The following ABHD17B variants were observed in gnomAD, a reference collection of about 807,000 sequenced individuals.
The protein encoded by ABHD17B is abhydrolase domain containing 17B, depalmitoylase, also known as alpha/beta hydrolase domain-containing protein 17B.
In ABHD17B, 9 loss-of-function variants were observed where a neutral mutation model predicts 26.2. The ratio of observed to expected loss-of-function variants is 0.34; its 90% CI spans 0.21 to 0.60. ABHD17B has a LOEUF of 0.60. Ranked by LOEUF, ABHD17B falls within the 20% of genes least tolerant of loss-of-function variation. The pLI, the probability that ABHD17B is intolerant of heterozygous loss-of-function variation, is 0.80. For synonymous variants in ABHD17B, 127 were observed against 122.3 expected, an observed-to-expected ratio of 1.04 and a Z score of -0.25; for missense variants, 224 against 352.1, an observed-to-expected ratio of 0.64 and a Z score of 2.91.
intron 1 of ABHD17B, chr9:71,902,409 C>T (rs1166000754): frequency 6.8e-6 from 1 of 147,626 alleles, no homozygotes; most frequent in Admixed American, 6.8e-5. Context: ...TATCTCATTA[C>T]CCCCACCTTC....
Position 71,866,502 on chromosome 9 carries a change from C to T in ABHD17B, c.*285G>A. 9.0e-7 allele frequency: 1 copy of T among 1,111,648 alleles called. No individual in the cohort carries two copies. The highest frequency in any genetic ancestry group is 1.1e-6 in the Non-Finnish European group (1 of 909,260). 68.9% of individuals were successfully genotyped at this position (1,111,648 alleles called of 1,614,324 possible). A position where few individuals can be genotyped will look rare whatever the true frequency, so the allele number is the denominator to read the frequency against. On this transcript the variant is annotated 3_prime_UTR_variant, in exon 4 of 4. Transcript: ENST00000333421. Reference sequence around the variant, plus strand: ...AAAGCATTTGGCAATACTTTTACAGCATTTGATTTTATAGAATTAAAATCT... The same window carrying T: ...AAAGCATTTGGCAATACTTTTACAGTATTTGATTTTATAGAATTAAAATCT...
intron 1 of ABHD17B, among the ~76,000 whole-genome samples, chr9:71,903,861 T>G (rs552314301): frequency 3.4e-4 from 52 of 152,282 alleles, no homozygotes; most frequent in African/African-American, 1.3e-3. Flanking sequence ...GGGCGGGAAG[T>G]AGGCACTTTC....
intron 1 of ABHD17B, among the ~76,000 whole-genome samples, chr9:71,890,624 A>T (rs571007542): frequency 1.8e-4 from 28 of 152,334 alleles, no homozygotes; most frequent in African/African-American, 6.7e-4. Context: ...AAACTCAGAG[A>T]ATAAACAGCA....
downstream of ABHD17B, among the ~76,000 whole-genome samples, chr9:71,864,035 T>A (rs1337865239): frequency 6.6e-6 from 1 of 152,116 alleles, no homozygotes; most frequent in Non-Finnish European, 1.5e-5. Context: ...TCTACACAAC[T>A]GACTTACACG....
chr9:71,864,978 A>T (rs1231780361), downstream of ABHD17B, among the ~76,000 whole-genome samples: 1 of 152,200 alleles, frequency 6.6e-6, no homozygotes, highest in African/African-American at 2.4e-5. Flanking sequence ...ATGCTGTACA[A>T]AGAAGAAACT....
intron 3 of ABHD17B, 152 bp from the exon 4 acceptor site, chr9:71,867,158 A>C: frequency 1.0e-6 from 1 of 998,668 alleles, no homozygotes; most frequent in Admixed American, 2.7e-5. Flanking sequence ...GTAAGATTCA[A>C]AAATTGCCTT....
At chr9:71,872,856 C>G (rs1422253035) in intron 2 of ABHD17B, among the ~76,000 whole-genome samples, 1 of 152,030 alleles carries the variant, frequency 6.6e-6, no homozygotes, top group Admixed American at 6.5e-5. Flanking sequence ...TCTTTACCTA[C>G]TACTTGCCAT....
chr9:71,908,177 G>C (rs1041873319), intron 1 of ABHD17B, among the ~76,000 whole-genome samples: 3 of 152,104 alleles, frequency 2.0e-5, no homozygotes, highest in African/African-American at 7.2e-5. Flanking sequence ...GATCACCTGA[G>C]GTCAGGAGTT....
intron 1 of ABHD17B, among the ~76,000 whole-genome samples, chr9:71,889,311 C>T (rs560713529): frequency 3.0e-4 from 23 of 75,914 alleles, no homozygotes; most frequent in African/African-American, 7.6e-4. Context: ...TGCGAGACTC[C>T]GTCTAAAGAA....
At chr9:71,906,054 A>G (rs888016916) in intron 1 of ABHD17B, among the ~76,000 whole-genome samples, 6 of 152,060 alleles carry the variant, frequency 3.9e-5, no homozygotes, top group Admixed American at 1.3e-4. Flanking sequence ...GTCTCAAAAA[A>G]TAAATAAATA....
chr9:71,874,528 T>C, intron 2 of ABHD17B, 86 bp downstream of exon 2: 1 of 1,141,358 alleles, frequency 8.8e-7, no homozygotes, highest in South Asian at 1.7e-5. Context: ...TTATGTATAA[T>C]AAAAACAGCT....
chr9:71,904,186 T>C (rs1334829537), intron 1 of ABHD17B, among the ~76,000 whole-genome samples: 2 of 152,234 alleles, frequency 1.3e-5, no homozygotes, highest in Non-Finnish European at 1.5e-5. Context: ...TATCACTTTC[T>C]AATATATTAT....
At chr9:71,904,074 C>T in intron 1 of ABHD17B, among the ~76,000 whole-genome samples, 1 of 152,216 alleles carries the variant, frequency 6.6e-6, no homozygotes, top group East Asian at 1.9e-4. Flanking sequence ...CTCTCACTGA[C>T]TGCACATCTC....
intron 1 of ABHD17B, among the ~76,000 whole-genome samples, chr9:71,906,975 A>G (rs1402624412): frequency 1.3e-5 from 2 of 152,194 alleles, no homozygotes; most frequent in African/African-American, 4.8e-5. Context: ...AGTGAAACAC[A>G]TATTACTTTA....
intron 1 of ABHD17B, among the ~76,000 whole-genome samples, chr9:71,902,211 G>A (rs1000112537): frequency 1.3e-5 from 2 of 152,060 alleles, no homozygotes; most frequent in Non-Finnish European, 2.9e-5. Flanking sequence ...CCCCTGACCC[G>A]TGCCCATGCT....
In ABHD17B at chr9:71,904,931, A is replaced by G. The variant is rs1827241729; in HGVS notation, c.-4+5703T>C. ...TAGATCCATGAGCACCTCATTATATACAAACAGTTCAACAAAAATTTAAGA... is the reference window on the plus strand; with the variant it reads ...TAGATCCATGAGCACCTCATTATATGCAAACAGTTCAACAAAAATTTAAGA... On this transcript the variant is annotated intron_variant, in intron 1 of 3. Coordinates refer to ENST00000333421, the MANE Select transcript of ABHD17B (RefSeq NM_001025780.3). Among the ~76,000 whole-genome samples the G allele has an allele frequency of 5.3e-5, 8 of 152,226 alleles. 1 individual carries two copies. In the South Asian group the frequency reaches 1.7e-3, roughly 32 times the overall value.
chr9:71,895,975 A>T (rs1826940766), intron 1 of ABHD17B, among the ~76,000 whole-genome samples: 1 of 151,970 alleles, frequency 6.6e-6, no homozygotes, highest in Non-Finnish European at 1.5e-5. Context: ...CTTTCTCAAA[A>T]CTCTGGAGGT....
At position 71,866,620 on chromosome 9, in the gene ABHD17B, A is replaced by C. The variant is rs1031385786; in HGVS notation, c.*167T>G. 2.8e-6 allele frequency: 4 copies of C among 1,436,944 alleles called. No individual in the cohort carries two copies. The East Asian group carries it at 7.5e-5, about 27-fold the overall frequency. The allele number at this position is 1,436,944 out of a possible 1,614,324, so 89.0% of individuals were successfully genotyped here. On this transcript the variant is annotated 3_prime_UTR_variant, in exon 4 of 4. Transcript: ENST00000333421. ...CACGGTACTGTTATTTCCAGTTTTT[A>C]GTTCTGGTAATTAAAACCTTCATTA...
intron 1 of ABHD17B, among the ~76,000 whole-genome samples, chr9:71,879,979 G>A (rs1325024644): frequency 6.6e-6 from 1 of 152,092 alleles, no homozygotes; most frequent in Non-Finnish European, 1.5e-5. Context: ...CTGATCACAA[G>A]AAAGAGATAA....
Sources: gnomAD v4.1 joint callset for allele counts (sites outside exome capture counted in the v4.1 genomes callset) on GRCh38, gnomAD v4.1.1 for gene constraint, MANE v1.5 for transcripts, NCBI Gene and HGNC (gene_info 2026-07-23, HGNC 2026-07-21) for gene names.